The following NLGN1 variants were observed in gnomAD, a reference collection of about 807,000 sequenced individuals.
NLGN1 encodes neuroligin-1.
NLGN1 carries 12 observed loss-of-function variants against 65.5 expected under a neutral mutation model. That is an observed-to-expected ratio of 0.18 (90% CI 0.12 to 0.30). The LOEUF (loss-of-function observed/expected upper bound fraction) is 0.30, where lower values mean the gene tolerates loss of function less well. Among genes scored for constraint, NLGN1 ranks in the 10% least tolerant of loss-of-function variants. NLGN1 has a pLI of 1.00. For missense variants in NLGN1, 750 were observed against 1,007.1 expected, an observed-to-expected ratio of 0.74 and a Z score of 3.46; for synonymous variants, 350 against 359.5, an observed-to-expected ratio of 0.97 and a Z score of 0.30.
At chr3:174,084,950 A>G (rs1580211842) in intron 4 of NLGN1, among the ~76,000 whole-genome samples, 1 of 152,036 alleles carries the variant, frequency 6.6e-6, no homozygotes. Context: ...AACTAAGACT[A>G]TATTTCCTCA....
At chr3:173,924,795 G>A (rs1236239906) in intron 4 of NLGN1, among the ~76,000 whole-genome samples, 1 of 151,818 alleles carries the variant, frequency 6.6e-6, no homozygotes, top group Non-Finnish European at 1.5e-5. Flanking sequence ...CTTTTAGAAG[G>A]TATATGGGTA....
At chr3:173,862,113 C>T (rs1330819103) in intron 4 of NLGN1, among the ~76,000 whole-genome samples, 1 of 151,880 alleles carries the variant, frequency 6.6e-6, no homozygotes, top group Non-Finnish European at 1.5e-5. Context: ...AATATTAAAT[C>T]ATACACATAA....
At chr3:173,503,192 A>G (rs1560350253) in intron 2 of NLGN1, among the ~76,000 whole-genome samples, 1 of 152,194 alleles carries the variant, frequency 6.6e-6, no homozygotes, top group South Asian at 2.1e-4. Flanking sequence ...TCCATATCCA[A>G]TTACTGGAAG....
downstream of NLGN1, among the ~76,000 whole-genome samples, chr3:174,286,893 AG>A (rs1357662797): frequency 3.3e-5 from 5 of 151,466 alleles, no homozygotes; most frequent in Non-Finnish European, 5.9e-5. Context: ...AAGTGGGAGA[AG>A]GAAAAAGAAA....
chr3:173,433,556 T>G (rs1021554506), intron 1 of NLGN1, among the ~76,000 whole-genome samples: 4 of 152,210 alleles, frequency 2.6e-5, no homozygotes, highest in African/African-American at 9.6e-5. Flanking sequence ...ACTTTATAAT[T>G]TCATTGTTAA....
At chr3:173,470,945 A>G (rs1236332103) in intron 2 of NLGN1, among the ~76,000 whole-genome samples, 1 of 152,140 alleles carries the variant, frequency 6.6e-6, no homozygotes, top group Non-Finnish European at 1.5e-5. Context: ...AAGTCACACA[A>G]TTTAAAAGAA....
intron 4 of NLGN1, among the ~76,000 whole-genome samples, chr3:173,866,748 A>T (rs1730261660): frequency 6.6e-6 from 1 of 152,098 alleles, no homozygotes; most frequent in South Asian, 2.1e-4. Flanking sequence ...CAATAAAGCC[A>T]TGTTTTCTGA....
intron 3 of NLGN1, among the ~76,000 whole-genome samples, chr3:173,682,539 A>C (rs1764089332): frequency 7.1e-6 from 1 of 140,610 alleles, no homozygotes; most frequent in South Asian, 2.5e-4. Flanking sequence ...CAATGAGCCG[A>C]GATTGCACCA....
At chr3:173,746,746 C>G (rs978486856) in intron 3 of NLGN1, among the ~76,000 whole-genome samples, 1 of 151,960 alleles carries the variant, frequency 6.6e-6, no homozygotes, top group Non-Finnish European at 1.5e-5. Context: ...AAACAGGAAT[C>G]ATCTTTTTAT....
At chr3:173,558,363 C>G (rs1018271047) in intron 2 of NLGN1, among the ~76,000 whole-genome samples, 3 of 152,002 alleles carry the variant, frequency 2.0e-5, no homozygotes, top group African/African-American at 7.2e-5. Flanking sequence ...CATTTTTCAT[C>G]TGATTGGAAA....
chr3:173,812,581 A>AG (rs1368952098), intron 4 of NLGN1, among the ~76,000 whole-genome samples: 1 of 151,740 alleles, frequency 6.6e-6, no homozygotes, highest in Non-Finnish European at 1.5e-5. Flanking sequence ...TTTTCAAAAA[A>AG]TTAGCCAGGT....
At chr3:173,929,014 G>A (rs369406053) in intron 4 of NLGN1, among the ~76,000 whole-genome samples, 162 of 152,158 alleles carry the variant, frequency 1.1e-3, no homozygotes, top group African/African-American at 3.7e-3. Context: ...AAAAGGAAAG[G>A]TCGATTATTA....
chr3:174,273,181 T>G (rs924537995), intron 4 of NLGN1, among the ~76,000 whole-genome samples: 1 of 151,692 alleles, frequency 6.6e-6, no homozygotes, highest in Non-Finnish European at 1.5e-5. Context: ...AAGTGAATTC[T>G]GTATGGATGT....
At chr3:173,834,791 C>T (rs920357347) in intron 4 of NLGN1, among the ~76,000 whole-genome samples, 1 of 152,160 alleles carries the variant, frequency 6.6e-6, no homozygotes, top group African/African-American at 2.4e-5. Flanking sequence ...TCATGCTGTC[C>T]CTCACTATGC....
chr3:173,602,363 C>T (rs1750681180), intron 2 of NLGN1, among the ~76,000 whole-genome samples: 1 of 151,848 alleles, frequency 6.6e-6, no homozygotes. Context: ...GTAGCAACTT[C>T]TGAAAATTTT....
At chr3:174,152,893 T>C (rs964788918) in intron 4 of NLGN1, among the ~76,000 whole-genome samples, 4 of 152,150 alleles carry the variant, frequency 2.6e-5, no homozygotes, top group Non-Finnish European at 4.4e-5. Flanking sequence ...TGATGACTTT[T>C]TAAAGTTTAT....
At chr3:173,906,331 A>T (rs1445167120) in intron 4 of NLGN1, among the ~76,000 whole-genome samples, 3 of 152,160 alleles carry the variant, frequency 2.0e-5, no homozygotes, top group African/African-American at 7.2e-5. Flanking sequence ...ACTCTACTGA[A>T]ATCTGATCTC....
intron 4 of NLGN1, among the ~76,000 whole-genome samples, chr3:174,027,918 G>C (rs965889366): frequency 5.9e-5 from 9 of 152,154 alleles, no homozygotes; most frequent in African/African-American, 2.2e-4. Flanking sequence ...GCCAGGTGGA[G>C]ATAATTGAAT....
intron 4 of NLGN1, among the ~76,000 whole-genome samples, chr3:173,818,619 T>C (rs1465529866): frequency 6.6e-6 from 1 of 152,052 alleles, no homozygotes; most frequent in Non-Finnish European, 1.5e-5. Flanking sequence ...ACAGGGAAAA[T>C]ATCCCAGGAG....
Sources: allele counts gnomAD v4.1 joint callset (sites outside exome capture counted in the v4.1 genomes callset), GRCh38; gene constraint gnomAD v4.1.1; transcripts MANE v1.5; gene names NCBI Gene and HGNC (gene_info 2026-07-23, HGNC 2026-07-21).